The following RAD54L2 variants were observed in gnomAD, a reference collection of about 807,000 sequenced individuals.
The protein encoded by RAD54L2 is helicase ARIP4.
Under a neutral mutation model 138.4 loss-of-function variants are expected in RAD54L2, and 27 were observed. That is an observed-to-expected ratio of 0.20 (90% CI 0.14 to 0.27). The LOEUF (loss-of-function observed/expected upper bound fraction) is 0.27, where lower values mean the gene tolerates loss of function less well. Ranked by LOEUF, RAD54L2 falls within the 10% of genes least tolerant of loss-of-function variation. RAD54L2 has a pLI of 1.00. For synonymous variants in RAD54L2, 644 were observed against 723.2 expected, an observed-to-expected ratio of 0.89 and a Z score of 1.76; for missense variants, 1,396 against 1,890.2, an observed-to-expected ratio of 0.74 and a Z score of 4.85.
At chr3:51,625,921 ATAGTT>A (rs1360074194) in intron 3 of RAD54L2, among the ~76,000 whole-genome samples, 2 of 152,144 alleles carry the variant, frequency 1.3e-5, no homozygotes, top group Non-Finnish European at 2.9e-5. Context: ...AGAAGCTGCC[ATAGTT>A]TAGAGGAGAC....
rs1414648738 is a variant in RAD54L2, at chr3:51,617,465, A to G, written c.140-10088A>G. On this transcript the variant is annotated intron_variant, in intron 3 of 22. Transcript: ENST00000684192. Reference sequence around the variant, plus strand: ...TTGCATTTTTCTAATGATATTGAGCATCTTTTCACATGTTCATTGGCTATT... The same window carrying G: ...TTGCATTTTTCTAATGATATTGAGCGTCTTTTCACATGTTCATTGGCTATT... Among the ~76,000 whole-genome samples the G allele has an allele frequency of 2.0e-5, 3 of 152,206 alleles. No individual in the cohort carries two copies. The East Asian group carries it at 5.8e-4, about 29-fold the overall frequency.
chr3:51,624,254 A>C (rs1032963946), intron 3 of RAD54L2, among the ~76,000 whole-genome samples: 1 of 134,016 alleles, frequency 7.5e-6, no homozygotes, highest in East Asian at 2.1e-4. Context: ...TTTTTTTTAG[A>C]CAGGGTCTTG....
chr3:51,608,531 G>A (rs1313292254), intron 3 of RAD54L2, among the ~76,000 whole-genome samples: 1 of 152,154 alleles, frequency 6.6e-6, no homozygotes, highest in East Asian at 1.9e-4. Flanking sequence ...CTCCAGCCTG[G>A]GCAACGTTGA....
At chr3:51,563,450 A>G (rs1320344974) in intron 2 of RAD54L2, among the ~76,000 whole-genome samples, 1 of 152,100 alleles carries the variant, frequency 6.6e-6, no homozygotes, top group African/African-American at 2.4e-5. Context: ...GGTGCTTTCC[A>G]AGTATTGGTT....
chr3:51,566,362 A>C (rs773772063), intron 2 of RAD54L2, among the ~76,000 whole-genome samples: 1 of 148,576 alleles, frequency 6.7e-6, no homozygotes, highest in Non-Finnish European at 1.5e-5. Context: ...GCTTGTTTCT[A>C]GTAGACTCCC....
In RAD54L2 at chr3:51,613,700, G is replaced by A. The variant is rs192472935; in HGVS notation, c.140-13853G>A. Among the ~76,000 whole-genome samples the A allele has an allele frequency of 3.5e-3, 525 of 151,684 alleles. 7 individuals are homozygous for A. Among genetic ancestry groups the A allele is most frequent in the Non-Finnish European group, 3.0e-3 (206 of 67,922 alleles). ...GAATTGCTTGAACCTGGGAGGCGGA[G>A]GTTGCAGTGAGCTGAGATCATGCCA... On this transcript the variant is annotated intron_variant, in intron 3 of 22. Transcript: ENST00000684192.
chr3:51,551,784 C>T (rs1235482197), intron 2 of RAD54L2, among the ~76,000 whole-genome samples: 2 of 147,738 alleles, frequency 1.4e-5, no homozygotes, highest in South Asian at 2.2e-4. Flanking sequence ...GATGGAGTCT[C>T]GCTCTGTCGC....
rs773162584 is a variant in RAD54L2, at chr3:51,637,417, A to G, written c.1596A>G (p.Gln532=). 5.0e-6 allele frequency: 8 copies of G among 1,613,942 alleles called. No homozygotes were observed. In the Admixed American group the frequency reaches 8.3e-5, roughly 17 times the overall value. ...TTGAACGCCCTATCCTGAATGGGCA[A>G]TGTATTGACAGCACACCTCAGGACG... ...NMFERPILNG[Q]CIDSTPQDVR... is the part of the protein sequence containing the mutation. The change falls in exon 11 of 23, where the codon CAA becomes CAG. Residue 532 remains glutamine, a synonymous_variant. Coordinates refer to ENST00000684192, the MANE Select transcript of RAD54L2 (RefSeq NM_015106.4). The surrounding 1 kb of genome is among the most constrained non-coding windows in gnomAD (Gnocchi z 5.9).
intron 2 of RAD54L2, among the ~76,000 whole-genome samples, chr3:51,584,804 A>T (rs188289776): frequency 7.9e-4 from 119 of 151,442 alleles, no homozygotes; most frequent in African/African-American, 2.8e-3. Context: ...CTTTTTAAAA[A>T]TTTTTTATTT....
rs763091856 is a variant in RAD54L2, at chr3:51,638,137, T to G, written c.1683-7T>G. 14 of 1,613,396 alleles carry G rather than the reference T, an allele frequency of 8.7e-6. No individual in the cohort carries two copies. The East Asian group carries it at 3.1e-4, about 36-fold the overall frequency. ...CCTTGCCGTTTCTGTTCTGTTTGCC[T>G]CCATAGGAGAGGCCACACTGTGCTG... On this transcript the variant is annotated splice_polypyrimidine_tract_variant and splice_region_variant and intron_variant, in intron 11 of 22. Transcript: ENST00000684192. This position sits in a 1 kb window ranked among gnomAD's most constrained non-coding sequence, Gnocchi z 4.3.
intron 2 of RAD54L2, among the ~76,000 whole-genome samples, chr3:51,551,759 CTT>C (rs1178998634): frequency 1.4e-5 from 2 of 139,314 alleles, no homozygotes; most frequent in Non-Finnish European, 1.6e-5. Context: ...CTTTTTCTTT[CTT>C]TTTTTTTTTT....
chr3:51,643,031 C>CTTTTTTT (rs1212581275), intron 15 of RAD54L2, among the ~76,000 whole-genome samples: 3 of 113,208 alleles, frequency 2.6e-5, no homozygotes, highest in African/African-American at 3.6e-5. Context: ...TAACTGAAGT[C>CTTTTTTT]TTTTTTTTTT....
chr3:51,629,141 G>A (rs1177753869), intron 4 of RAD54L2, among the ~76,000 whole-genome samples, 193 bp from the exon 5 acceptor site: 1 of 152,168 alleles, frequency 6.6e-6, no homozygotes, highest in African/African-American at 2.4e-5. Context: ...GAAAGTATTA[G>A]CCTAGAGCCA....
chr3:51,562,475 C>T (rs189855547), intron 2 of RAD54L2, among the ~76,000 whole-genome samples: 150 of 152,102 alleles, frequency 9.9e-4, no homozygotes, highest in African/African-American at 3.4e-3. Context: ...GGTGATCTGC[C>T]CGCCTGGGCC....
chr3:51,539,192 C>CTT (rs1267732161), intron 1 of RAD54L2, among the ~76,000 whole-genome samples: 3 of 152,154 alleles, frequency 2.0e-5, no homozygotes, highest in Admixed American at 6.5e-5. Context: ...GACACGGAGA[C>CTT]TTAACTGTTG....
At chr3:51,581,137 G>A (rs1699600374) in intron 2 of RAD54L2, among the ~76,000 whole-genome samples, 1 of 152,030 alleles carries the variant, frequency 6.6e-6, no homozygotes, top group Admixed American at 6.6e-5. Flanking sequence ...AGACTCTGTC[G>A]CCTAGGCTGG....
intron 14 of RAD54L2, among the ~76,000 whole-genome samples, chr3:51,640,439 G>C (rs943111067): frequency 4.6e-5 from 7 of 152,176 alleles, no homozygotes; most frequent in Non-Finnish European, 1.0e-4. Flanking sequence ...TGTCTTTAAA[G>C]CCAAATAAGT....
intron 2 of RAD54L2, among the ~76,000 whole-genome samples, chr3:51,567,262 G>A (rs868737865): frequency 6.6e-6 from 1 of 152,144 alleles, no homozygotes; most frequent in African/African-American, 2.4e-5. Flanking sequence ...AAAAAGGACA[G>A]TTATTATAAT....
chr3:51,582,514 G>A (rs1464865630), intron 2 of RAD54L2, among the ~76,000 whole-genome samples: 1 of 151,784 alleles, frequency 6.6e-6, no homozygotes, highest in Non-Finnish European at 1.5e-5. Flanking sequence ...GCTTCTCATA[G>A]CTCAAACTGT....
Sources: gnomAD v4.1 joint callset for allele counts (sites outside exome capture counted in the v4.1 genomes callset) on GRCh38, gnomAD v4.1.1 for gene constraint, Gnocchi (gnomAD v3.1) non-coding constraint, MANE v1.5 for transcripts, NCBI Gene and HGNC (gene_info 2026-07-23, HGNC 2026-07-21) for gene names.